TEPSIN: variants seen among roughly 807,000 people sequenced by gnomAD.
TEPSIN encodes the protein AP-4 complex accessory subunit tepsin.
Under a neutral mutation model 48.5 loss-of-function variants are expected in TEPSIN, and 50 were observed. The ratio of observed to expected loss-of-function variants is 1.03; its 90% CI spans 0.82 to 1.31. TEPSIN has a LOEUF of 1.31. Among genes scored for constraint, TEPSIN ranks in the 50% most tolerant of loss-of-function variants. The pLI, the probability that TEPSIN is intolerant of heterozygous loss-of-function variation, is 0.00. For synonymous variants in TEPSIN, 392 were observed against 358.8 expected (o/e 1.09, Z -1.05); for missense variants, 838 against 815.9 (o/e 1.03, Z -0.33).
At position 81,230,732 on chromosome 17, in the gene TEPSIN, G is replaced by A. The variant is rs982917785; in HGVS notation, c.1099-54C>T. On this transcript the variant is annotated intron_variant, in intron 11 of 12. Coordinates refer to ENST00000637944, the MANE Select transcript of TEPSIN (RefSeq NM_001363764.2). This position sits in a 1 kb window ranked among gnomAD's most constrained non-coding sequence, Gnocchi z 4.2. ...CCCATGGGGCAGCAGGTCCACGCCA[G>A]GGAGGCCTATTTGGCCATCTCTCTC... is the stretch of plus-strand genomic sequence containing the variant. The A allele has an allele frequency of 1.4e-6, 2 of 1,469,328 alleles. No homozygotes were observed. Among genetic ancestry groups the A allele is most frequent in the Non-Finnish European group, 1.8e-6 (2 of 1,110,082 alleles). 91.0% of individuals were successfully genotyped at this position (1,469,328 alleles called of 1,614,324 possible). A position where few individuals can be genotyped will look rare whatever the true frequency, so the allele number is the denominator to read the frequency against.
rs889429016 is a variant in TEPSIN at position 81,231,401 on chromosome 17, C to T, written c.1095G>A (p.Gln365=). The change falls in exon 11 of 13, where the codon CAG becomes CAA. Residue 365 remains glutamine (Q), a synonymous_variant. Transcript: ENST00000637944. Reference sequence around the variant, plus strand: ...CCCGCCCGCGTGTGCAGCTCACCAGCTGCGTGCATTCACTGGTCCCACGCA... The same window carrying T: ...CCCGCCCGCGTGTGCAGCTCACCAGTTGCGTGCATTCACTGGTCCCACGCA... ...CHLRGTSECT[Q]LRALCAIASL... is the part of the protein sequence containing the mutation. 7 of 1,549,190 alleles carry T rather than the reference C, an allele frequency of 4.5e-6. No individual in the cohort carries two copies. The highest frequency in any genetic ancestry group is 4.4e-6 in the Non-Finnish European group (5 of 1,146,820).
Position 81,231,886 on chromosome 17 carries a change from T to C in TEPSIN, c.866A>G (p.His289Arg), listed in dbSNP as rs772717273. ...ACCCGGCTCCCGGCTGGCCCCTGAA[T>C]GGCTGTCGCTGCCGGAATGACTGCC... is the stretch of plus-strand genomic sequence containing the variant. The part of the protein sequence containing the change: ...DSGSHSGSDS[H>R]SGASREPGDL... The change falls in exon 9 of 13, where the codon CAT becomes CGT. Residue 289 changes from histidine (H) to arginine (R), a missense_variant. Transcript: ENST00000637944. 2.5e-6 allele frequency: 4 copies of C among 1,613,624 alleles called. No individual in the cohort carries two copies. The highest frequency in any genetic ancestry group is 1.3e-5 in the African/African-American group (1 of 75,050).
chr17:81,233,205 C>T lies in TEPSIN; in HGVS notation c.526+227G>A, dbSNP rs1474007171. 2.9e-5 allele frequency: 17 copies of T among 587,706 alleles called. No homozygotes were observed. The highest frequency in any genetic ancestry group is 2.1e-5 in the South Asian group (1 of 47,296). The allele number at this position is 587,706 out of a possible 1,614,324, so 36.4% of individuals were successfully genotyped here. On this transcript the variant is annotated intron_variant, in intron 7 of 12. Coordinates refer to ENST00000637944, the MANE Select transcript of TEPSIN (RefSeq NM_001363764.2). The surrounding 1 kb of genome is among the most constrained non-coding windows in gnomAD (Gnocchi z 5.8). ...GGCCCAGCCCTGACTTCTTGCTCGG[C>T]CTGGTTTCTCTCATCTGTCCATAAA...
Position 81,233,443 on chromosome 17 carries a change from T to A in TEPSIN, c.515A>T (p.His172Leu). 6.2e-7 allele frequency: 1 copy of A among 1,611,120 alleles called. No homozygotes were observed. Among genetic ancestry groups the A allele is most frequent in the South Asian group, 1.1e-5 (1 of 90,882 alleles). ...CCCTCCCCACTCACCCGTGCGGCCG[T>A]GTTCCTTGCTGTAGCCGAAACCCTG... ...TLQGFGYSKEHGRTGSAGEAF... is the reference protein window; with the variant it reads ...TLQGFGYSKELGRTGSAGEAF... The change falls in exon 7 of 13, where the codon CAC becomes CTC. Residue 172 changes from histidine (H) to leucine (L), a missense_variant. His to Leu is a moderately conservative substitution (Grantham distance 99, BLOSUM62 -3). Transcript: ENST00000637944. This position sits in a 1 kb window ranked among gnomAD's most constrained non-coding sequence, Gnocchi z 5.8.
Position 81,231,352 on chromosome 17 carries a change from G to A in TEPSIN, c.1098+46C>T, listed in dbSNP as rs112298802. The stretch of plus-strand genomic sequence containing the variant: ...ACGCACACGCACACACACGCACACA[G>A]GCACATGCACACAGTCACGCCCTCC... On this transcript the variant is annotated intron_variant, in intron 11 of 12. Transcript: ENST00000637944. The A allele has an allele frequency of 1.4e-4, 208 of 1,482,640 alleles. No homozygotes were observed. The Middle Eastern group carries it at 2.2e-3, about 15-fold the overall frequency. The allele number at this position is 1,482,640 out of a possible 1,614,324, so 91.8% of individuals were successfully genotyped here. A position where few individuals can be genotyped will look rare whatever the true frequency, so the allele number is the denominator to read the frequency against.
At position 81,228,693 on chromosome 17, in the gene TEPSIN, G is replaced by GAGCCCTGAGATCGAC; in HGVS notation, c.*220_*234dup. ...AAGACAGGCAGGGACTGCCCCCTGA[G>GAGCCCTGAGATCGAC]AGCCCTGAGATCGACATTTCTGAAG... On this transcript the variant is annotated 3_prime_UTR_variant, in exon 13 of 13. Coordinates refer to ENST00000637944, the MANE Select transcript of TEPSIN (RefSeq NM_001363764.2). 1.7e-6 allele frequency: 1 copy of GAGCCCTGAGATCGAC among 588,188 alleles called. No individual in the cohort carries two copies. The highest frequency in any genetic ancestry group is 4.4e-4 in the Middle Eastern group (1 of 2,254). The allele number at this position is 588,188 out of a possible 1,614,324, so 36.4% of individuals were successfully genotyped here.
Position 81,232,570 on chromosome 17 carries a change from G to A in TEPSIN, c.527-52C>T, listed in dbSNP as rs563179030. 7.1e-4 allele frequency: 1,057 copies of A among 1,478,784 alleles called. 9 individuals carry two copies. The African/African-American group carries it at 0.012, about 16-fold the overall frequency. 91.6% of individuals were successfully genotyped at this position (1,478,784 alleles called of 1,614,324 possible). ...CGGCCGCCCAGTGCGGCCCCCACCC[G>A]CGTTCTCTGGGAGCAGGGTGCCCGC... is the stretch of plus-strand genomic sequence containing the variant. On this transcript the variant is annotated intron_variant, in intron 7 of 12. Transcript: ENST00000637944.
intron 1 of TEPSIN, chr17:81,238,401 A>C (rs538104855): frequency 1.1e-4 from 29 of 268,796 alleles, no homozygotes; most frequent in Non-Finnish European, 9.2e-5. Context: ...GCCCCCTCTG[A>C]GGTCCAGCCC....
rs750066157 is a variant in TEPSIN at position 81,237,074 on chromosome 17, G to A, written c.122-3C>T. The A allele has an allele frequency of 6.3e-7, 1 of 1,585,142 alleles. No individual in the cohort carries two copies. The highest frequency in any genetic ancestry group is 8.6e-7 in the Non-Finnish European group (1 of 1,165,684). On this transcript the variant is annotated splice_region_variant and splice_polypyrimidine_tract_variant and intron_variant, in intron 2 of 12. Coordinates refer to ENST00000637944, the MANE Select transcript of TEPSIN (RefSeq NM_001363764.2). The stretch of plus-strand genomic sequence containing the variant: ...GCCCGGAGACTCGTGGGAGATTTCT[G>A]CGGCACGCTCGGGTTAGGGAAGGGC...
Position 81,229,164 on chromosome 17 carries a change from G to A in TEPSIN, c.1546C>T (p.Arg516Trp), listed in dbSNP as rs146426214. The A allele has an allele frequency of 1.4e-4, 230 of 1,609,590 alleles. No homozygotes were observed. The highest frequency in any genetic ancestry group is 9.8e-4 in the African/African-American group (72 of 73,670). ...GGGCTGTCCGTGCCCCCTGGGATCC[G>A]TTCAGGTCTCCACCGCCTGCTTTCT... ...LAESRRWRPE[R>W]IPGGTDSPKR... The change falls in exon 13 of 13, where the codon CGG (arginine) becomes TGG (tryptophan). Residue 516 changes from arginine to tryptophan, a missense_variant. Coordinates refer to ENST00000637944, the MANE Select transcript of TEPSIN (RefSeq NM_001363764.2).
Position 81,230,797 on chromosome 17 carries a change from G to A in TEPSIN, c.1099-119C>T. The A allele has an allele frequency of 7.5e-7, 1 of 1,325,574 alleles. No homozygotes were observed. Among genetic ancestry groups the A allele is most frequent in the South Asian group, 1.5e-5 (1 of 64,602 alleles). The allele number at this position is 1,325,574 out of a possible 1,614,324, so 82.1% of individuals were successfully genotyped here. On this transcript the variant is annotated intron_variant, in intron 11 of 12. Transcript: ENST00000637944. The surrounding 1 kb of genome is among the most constrained non-coding windows in gnomAD (Gnocchi z 4.2). ...TCATCAATGACTGGAGTGCCAGGAGGCCCCAGAGACAGCTCCACCACAGCC... is the reference window on the plus strand; with the variant it reads ...TCATCAATGACTGGAGTGCCAGGAGACCCCAGAGACAGCTCCACCACAGCC...
rs796664960 is a variant in TEPSIN at position 81,229,686 on chromosome 17, G to A, written c.1234-210C>T. ...GCTGCTGGGCTGGTGCTGGCGACAC[G>A]GGGCAGGTGTCACATACACACCTCG... On this transcript the variant is annotated intron_variant, in intron 12 of 12. Coordinates refer to ENST00000637944, the MANE Select transcript of TEPSIN (RefSeq NM_001363764.2). The A allele has an allele frequency of 1.2e-4, 74 of 599,454 alleles. 1 individual carries two copies. Among genetic ancestry groups the A allele is most frequent in the African/African-American group, 7.2e-4 (38 of 52,800 alleles). 37.1% of individuals were successfully genotyped at this position (599,454 alleles called of 1,614,324 possible). A position where few individuals can be genotyped will look rare whatever the true frequency, so the allele number is the denominator to read the frequency against.
At position 81,229,138 on chromosome 17, in the gene TEPSIN, T is replaced by C; in HGVS notation, c.1572A>G (p.Pro524=). 1 of 1,611,386 alleles carries C rather than the reference T, an allele frequency of 6.2e-7. No homozygotes were observed. The highest frequency in any genetic ancestry group is 1.1e-5 in the South Asian group (1 of 90,972). Residue 524 remains proline, a synonymous_variant, in exon 13 of 13, where the codon CCA becomes CCG. Coordinates refer to ENST00000637944, the MANE Select transcript of TEPSIN (RefSeq NM_001363764.2). ...ACGCACAGCTGCTGGGGCCTCTCTT[T>C]GGGCTGTCCGTGCCCCCTGGGATCC... ...PERIPGGTDS[P]KRGPSSCAWS... is the part of the protein sequence containing the mutation.
At chr17:81,238,294 G>A (rs2062762898) in intron 1 of TEPSIN, 3 of 477,300 alleles carry the variant, frequency 6.3e-6, no homozygotes, top group African/African-American at 2.1e-5. Flanking sequence ...ACTGCAGAAC[G>A]CAGCACAGAA....
chr17:81,229,655 A>G, intron 12 of TEPSIN, 179 bp from the exon 13 acceptor site: 1 of 654,978 alleles, frequency 1.5e-6, no homozygotes, highest in Non-Finnish European at 2.6e-6. Flanking sequence ...CATCCCACCG[A>G]GAGCAGCTGC....
Position 81,231,496 on chromosome 17 carries a change from G to A in TEPSIN, c.1020-20C>T. The A allele has an allele frequency of 6.4e-7, 1 of 1,566,128 alleles. No individual in the cohort carries two copies. The highest frequency in any genetic ancestry group is 8.7e-7 in the Non-Finnish European group (1 of 1,155,626). ...CCACACCTGCACAGAGGGGACACCTGGGTGGCGGGTGCGGCCCGTTCCCTC... is the reference window on the plus strand; with the variant it reads ...CCACACCTGCACAGAGGGGACACCTAGGTGGCGGGTGCGGCCCGTTCCCTC... On this transcript the variant is annotated intron_variant, in intron 10 of 12. Coordinates refer to ENST00000637944, the MANE Select transcript of TEPSIN (RefSeq NM_001363764.2).
intron 1 of TEPSIN, 174 bp downstream of exon 1, chr17:81,238,812 C>G: frequency 3.0e-6 from 4 of 1,331,868 alleles, no homozygotes; most frequent in Non-Finnish European, 3.8e-6. Context: ...TGGAAGGCCC[C>G]GGGACGGCGC....
In TEPSIN at chr17:81,232,503, G is replaced by C. The variant is rs770426453; in HGVS notation, c.542C>G (p.Ala181Gly). The C allele has an allele frequency of 4.1e-5, 62 of 1,529,846 alleles. No homozygotes were observed. The highest frequency in any genetic ancestry group is 5.2e-5 in the Non-Finnish European group (59 of 1,143,994). 94.8% of individuals were successfully genotyped at this position (1,529,846 alleles called of 1,614,324 possible). The change falls in exon 8 of 13, where the codon GCC becomes GGC. Residue 181 changes from alanine to glycine, a missense_variant. Ala to Gly is a moderately conservative substitution (Grantham distance 60). Transcript: ENST00000637944. Reference sequence around the variant, plus strand: ...GGCCTTCTGGATGGTGGAGAGGAAGGCTTCGCCTGCCGAGCCTGTACCCGA... The same window carrying C: ...GGCCTTCTGGATGGTGGAGAGGAAGCCTTCGCCTGCCGAGCCTGTACCCGA... The part of the protein sequence containing the change: ...EHGRTGSAGE[A>G]FLSTIQKAAE...
chr17:81,235,782 G>A (rs756233395), intron 4 of TEPSIN, among the ~76,000 whole-genome samples: 9 of 152,186 alleles, frequency 5.9e-5, no homozygotes, highest in Non-Finnish European at 1.3e-4. Context: ...GAGCACCCCC[G>A]CACTGCCGTC....
Sources: gnomAD v4.1 joint callset for allele counts (sites outside exome capture counted in the v4.1 genomes callset) on GRCh38, gnomAD v4.1.1 for gene constraint, Gnocchi (gnomAD v3.1) non-coding constraint, MANE v1.5 for transcripts, NCBI Gene and HGNC (gene_info 2026-07-23, HGNC 2026-07-21) for gene names.